The following RALGAPA1 variants were observed in gnomAD, a reference collection of about 807,000 sequenced individuals.
The protein encoded by RALGAPA1 is Ral GTPase activating protein catalytic subunit alpha 1, also known as ral GTPase-activating protein subunit alpha-1.
A neutral mutation model predicts 269.6 loss-of-function variants in RALGAPA1; 52 were observed. The observed-to-expected ratio is 0.19, with a 90% CI of 0.15 to 0.24. The LOEUF (loss-of-function observed/expected upper bound fraction) is 0.24, where lower values mean the gene tolerates loss of function less well. RALGAPA1 is among the 10% of genes least tolerant of loss of function. RALGAPA1 has a pLI of 1.00. For synonymous variants in RALGAPA1, 817 were observed against 1,008.3 expected (o/e 0.81, Z 3.60); for missense variants, 1,917 against 3,013.9 (o/e 0.64, Z 8.52).
At chr14:35,639,903 C>T (rs554673454) in intron 31 of RALGAPA1, among the ~76,000 whole-genome samples, 134 of 149,312 alleles carry the variant, frequency 9.0e-4, no homozygotes, top group Non-Finnish European at 1.6e-3. Context: ...TGCACCACTG[C>T]AGTTCAGCCT....
chr14:35,674,500 G>A lies in RALGAPA1; in HGVS notation c.4818+16C>T, dbSNP rs547995720. On this transcript the variant is annotated intron_variant, in intron 23 of 41. Transcript: ENST00000680220. ...TTTATTTTCTTCTCCACTTATATCC[G>A]CTATTTCTTTTTTACCTTAGCTAGA... The A allele has an allele frequency of 1.2e-5, 19 of 1,582,936 alleles. No homozygotes were observed. The highest frequency in any genetic ancestry group is 1.1e-4 in the African/African-American group (8 of 73,972).
At chr14:35,765,772 A>G (rs1595479275) in intron 4 of RALGAPA1, 1 of 431,356 alleles carries the variant, frequency 2.3e-6, no homozygotes, top group Admixed American at 3.6e-5. Context: ...CTGGGATTAC[A>G]GGCGTGAGCC....
chr14:35,665,936 C>G (rs373383001), intron 26 of RALGAPA1, among the ~76,000 whole-genome samples: 1 of 151,592 alleles, frequency 6.6e-6, no homozygotes, highest in African/African-American at 2.4e-5. Flanking sequence ...GGGGGGCAGA[C>G]GGCATTAACA....
intron 33 of RALGAPA1, among the ~76,000 whole-genome samples, chr14:35,632,082 C>T (rs1054231275): frequency 1.3e-5 from 2 of 152,046 alleles, no homozygotes; most frequent in Non-Finnish European, 2.9e-5. Context: ...GCATTTTCTG[C>T]CCTAAGTTGC....
At chr14:35,618,503 T>C (rs1271125079) in intron 35 of RALGAPA1, among the ~76,000 whole-genome samples, 1 of 152,138 alleles carries the variant, frequency 6.6e-6, no homozygotes, top group Non-Finnish European at 1.5e-5. Flanking sequence ...TAATAACTAA[T>C]ATCTTCCTTA....
At chr14:35,765,796 A>G in intron 4 of RALGAPA1, 1 of 495,684 alleles carries the variant, frequency 2.0e-6, no homozygotes, top group Non-Finnish European at 3.6e-6. Context: ...ACAGCCAGCC[A>G]AAAATTACTG....
chr14:35,572,506 G>A, intron 38 of RALGAPA1, 54 bp downstream of exon 38: 1 of 1,364,626 alleles, frequency 7.3e-7, no homozygotes, highest in Non-Finnish European at 9.9e-7. Flanking sequence ...AGAAACCCAT[G>A]AACCCCTATA....
At chr14:35,596,377 T>C (rs916067186) in intron 36 of RALGAPA1, among the ~76,000 whole-genome samples, 23 of 152,098 alleles carry the variant, frequency 1.5e-4, no homozygotes, top group African/African-American at 5.3e-4. Context: ...CATTGGATGA[T>C]ATTCCCCGGA....
chr14:35,630,895 TAAATA>T (rs1014011369), intron 33 of RALGAPA1, among the ~76,000 whole-genome samples: 2 of 151,924 alleles, frequency 1.3e-5, no homozygotes, highest in Non-Finnish European at 2.9e-5. Flanking sequence ...AGAAAATAAA[TAAATA>T]AAAGTTCCAA....
At chr14:35,600,978 G>C (rs1421979732) in intron 36 of RALGAPA1, among the ~76,000 whole-genome samples, 1 of 152,230 alleles carries the variant, frequency 6.6e-6, no homozygotes, top group Non-Finnish European at 1.5e-5. Flanking sequence ...GAAAAGAGCA[G>C]AGAATCAGGT....
intron 11 of RALGAPA1, 132 bp from the exon 12 acceptor site, chr14:35,738,782 T>A: frequency 1.5e-6 from 1 of 650,504 alleles, no homozygotes; most frequent in Non-Finnish European, 2.6e-6. Context: ...ATAGATGATG[T>A]CTTATCCAAA....
rs117450705 is a variant in RALGAPA1 at position 35,637,943 on chromosome 14, T to C, written c.5677-2345A>G. On this transcript the variant is annotated intron_variant, in intron 31 of 41. Coordinates refer to ENST00000680220, the MANE Select transcript of RALGAPA1 (RefSeq NM_001346249.2). Reference sequence around the variant, plus strand: ...TTTAAAGTGCTAAAGGAAAAAAAACTTATTCTAAAATAATATATCCAGTGA... The same window carrying C: ...TTTAAAGTGCTAAAGGAAAAAAAACCTATTCTAAAATAATATATCCAGTGA... Among the ~76,000 whole-genome samples, 59 of 152,274 alleles carry C rather than the reference T, an allele frequency of 3.9e-4. No individual in the cohort carries two copies. In the East Asian group the frequency reaches 0.011, roughly 29 times the overall value.
At chr14:35,572,533 C>G (rs2057285686) in intron 38 of RALGAPA1, 27 bp downstream of exon 38, 1 of 1,559,342 alleles carries the variant, frequency 6.4e-7, no homozygotes, top group Non-Finnish European at 8.7e-7. Context: ...AAATCTATTA[C>G]TAAAATGGAA....
intron 36 of RALGAPA1, among the ~76,000 whole-genome samples, chr14:35,604,100 A>G (rs1315479559): frequency 2.6e-5 from 4 of 152,148 alleles, no homozygotes; most frequent in African/African-American, 9.6e-5. Context: ...CCAAAATTAT[A>G]TGTTCCACAT....
chr14:35,733,247 G>A (rs537587693), intron 12 of RALGAPA1, among the ~76,000 whole-genome samples: 3 of 152,270 alleles, frequency 2.0e-5, no homozygotes, highest in Admixed American at 2.0e-4. Flanking sequence ...GGAGGCTGAG[G>A]CGGGCGGATC....
In RALGAPA1 at chr14:35,735,355, T is replaced by C. The variant is rs78458182; in HGVS notation, c.1587+3158A>G. ...GTGGATAAAGAAACTGTGGTACATA[T>C]AGACAATGGAATACTATTCAGCCAT... is the stretch of plus-strand genomic sequence containing the variant. On this transcript the variant is annotated intron_variant, in intron 12 of 41. Coordinates refer to ENST00000680220, the MANE Select transcript of RALGAPA1 (RefSeq NM_001346249.2). 1.9e-3 allele frequency among the ~76,000 whole-genome samples: 293 copies of C among 152,236 alleles called. 1 individual carries two copies. Among genetic ancestry groups the C allele is most frequent in the African/African-American group, 6.7e-3 (280 of 41,534 alleles).
At chr14:35,775,539 A>C in intron 2 of RALGAPA1, 96 bp downstream of exon 2, 1 of 1,428,618 alleles carries the variant, frequency 7.0e-7, no homozygotes, top group Non-Finnish European at 9.2e-7. Context: ...TGTCCGACAA[A>C]AATAAGTGAA....
At chr14:35,641,900 C>G (rs2139843309) in intron 31 of RALGAPA1, among the ~76,000 whole-genome samples, 1 of 152,198 alleles carries the variant, frequency 6.6e-6, no homozygotes, top group South Asian at 2.1e-4. Context: ...TAAAAACTGA[C>G]ACATAGACCA....
intron 35 of RALGAPA1, among the ~76,000 whole-genome samples, chr14:35,621,047 A>G (rs1015538900): frequency 6.6e-6 from 1 of 152,328 alleles, no homozygotes; most frequent in South Asian, 2.1e-4. Flanking sequence ...AAGAGCCCAC[A>G]TTGTCAAGAC....
Sources: allele counts gnomAD v4.1 joint callset (sites outside exome capture counted in the v4.1 genomes callset), GRCh38; gene constraint gnomAD v4.1.1; transcripts MANE v1.5; gene names NCBI Gene and HGNC (gene_info 2026-07-23, HGNC 2026-07-21).